The following FAT1 variants were observed in gnomAD, a reference collection of about 807,000 sequenced individuals.
FAT1 encodes protocadherin Fat 1.
FAT1 carries 171 observed loss-of-function variants against 329.8 expected under a neutral mutation model. The ratio of observed to expected loss-of-function variants is 0.52; its 90% CI spans 0.46 to 0.59. The LOEUF (loss-of-function observed/expected upper bound fraction) is 0.59. Among genes scored for constraint, FAT1 ranks in the 20% least tolerant of loss-of-function variants. FAT1 has a pLI of 0.00. For synonymous variants in FAT1, 2,233 were observed against 2,228.6 expected (o/e 1.00, Z -0.06); for missense variants, 5,672 against 5,774.4 (o/e 0.98, Z 0.57).
rs1161879090 is a variant in FAT1, at chr4:186,636,797, G to C, written c.3760C>G (p.Leu1254Val). The C allele has an allele frequency of 6.2e-7, 1 of 1,613,974 alleles. No homozygotes were observed. Among genetic ancestry groups the C allele is most frequent in the South Asian group, 1.1e-5 (1 of 91,076 alleles). The change falls in exon 5 of 27, where the codon CTC becomes GTC. Residue 1254 changes from leucine (L) to valine (V), a missense_variant. Physicochemically the swap from Leu to Val is conservative, Grantham distance 32 (BLOSUM62 1). This residue lies in a region of FAT1 where 3,966 missense variants were observed against 3,915.2 expected (regional missense o/e 1.01). Coordinates refer to ENST00000441802, the MANE Select transcript of FAT1 (RefSeq NM_005245.4). Reference protein sequence around the residue: ...QFLQKFYKIRLPEREKPDRER... With the variant: ...QFLQKFYKIRVPEREKPDRER... The stretch of plus-strand genomic sequence containing the variant: ...CGGTCTGGCTTTTCCCGCTCAGGGA[G>C]TCTGATTTTGTAGAACTTTTGCAGA...
At chr4:186,651,180 G>A (rs982352825) in intron 3 of FAT1, among the ~76,000 whole-genome samples, 1 of 149,912 alleles carries the variant, frequency 6.7e-6, no homozygotes, top group African/African-American at 2.4e-5. Context: ...AATTAATAAA[G>A]CACCATGAGC....
chr4:186,633,413 C>A (rs569278789), intron 7 of FAT1, among the ~76,000 whole-genome samples: 2 of 152,074 alleles, frequency 1.3e-5, no homozygotes, highest in Non-Finnish European at 2.9e-5. Flanking sequence ...GTGTAAAATT[C>A]GAAGATTTTG....
At chr4:186,721,419 C>T (rs186146459) in intron 1 of FAT1, among the ~76,000 whole-genome samples, 6 of 152,316 alleles carry the variant, frequency 3.9e-5, no homozygotes, top group African/African-American at 1.4e-4. Context: ...TAAGCACTTG[C>T]AAACTGAACA....
chr4:186,692,005 G>T (rs1743788269), intron 2 of FAT1, among the ~76,000 whole-genome samples: 1 of 151,764 alleles, frequency 6.6e-6, no homozygotes, highest in African/African-American at 2.4e-5. Flanking sequence ...ATGGCAGCTG[G>T]GACTTACTAC....
intron 26 of FAT1, among the ~76,000 whole-genome samples, 174 bp downstream of exon 26, chr4:186,595,515 G>A (rs1465722607): frequency 1.3e-5 from 2 of 152,142 alleles, no homozygotes; most frequent in Admixed American, 6.5e-5. Flanking sequence ...GAACAGTTTG[G>A]CTATTTTCCC....
In FAT1 at chr4:186,658,471, A is replaced by T. The variant is rs546988910; in HGVS notation, c.3580+4828T>A. Among the ~76,000 whole-genome samples, 23 of 150,784 alleles carry T rather than the reference A, an allele frequency of 1.5e-4. No homozygotes were observed. The South Asian group carries it at 4.8e-3, about 31-fold the overall frequency. On this transcript the variant is annotated intron_variant, in intron 3 of 26. Transcript: ENST00000441802. ...ATGACAAAAGGGGAAGGAGAAAAAG[A>T]TATTGAGGAGATGTCTCCCTCTTTT...
intron 16 of FAT1, among the ~76,000 whole-genome samples, chr4:186,608,316 T>G (rs886666602): frequency 3.9e-5 from 6 of 152,346 alleles, no homozygotes; most frequent in East Asian, 1.9e-4. Flanking sequence ...ATCTCTAGAT[T>G]ATAGTACCTA....
chr4:186,678,728 G>A (rs942092678), intron 2 of FAT1, among the ~76,000 whole-genome samples: 8 of 151,768 alleles, frequency 5.3e-5, no homozygotes, highest in African/African-American at 9.7e-5. Context: ...AAACAGGAAC[G>A]CTTTTACACT....
At chr4:186,678,575 A>C (rs1743056098) in intron 2 of FAT1, among the ~76,000 whole-genome samples, 1 of 148,776 alleles carries the variant, frequency 6.7e-6, no homozygotes, top group Admixed American at 6.7e-5. Flanking sequence ...TATTGTCATT[A>C]ATATCAATTA....
intron 3 of FAT1, among the ~76,000 whole-genome samples, chr4:186,651,377 A>G (rs1026135071): frequency 2.0e-5 from 3 of 152,118 alleles, no homozygotes; most frequent in African/African-American, 7.2e-5. Flanking sequence ...AGAGCTGTAC[A>G]ATGGGTGGAC....
chr4:186,708,037 A>T lies in FAT1; in HGVS notation c.1791T>A (p.Asp597Glu), dbSNP rs1744727757. 1 of 1,614,018 alleles carries T rather than the reference A, an allele frequency of 6.2e-7. No individual in the cohort carries two copies. Among genetic ancestry groups the T allele is most frequent in the Non-Finnish European group, 8.5e-7 (1 of 1,179,904 alleles). The change falls in exon 2 of 27, where the codon GAT (aspartate) becomes GAA (glutamate). Residue 597 changes from aspartate to glutamate, a missense_variant. Asp to Glu is a conservative substitution (Grantham distance 45). Coordinates refer to ENST00000441802, the MANE Select transcript of FAT1 (RefSeq NM_005245.4). ...QITTVSAIDA[D>E]ELQLVQYQIE... is the part of the protein sequence containing the mutation. ...TCTGATACTGTACCAACTGAAGTTC[A>T]TCTGCATCAATAGCAGAAACAGTGG...
At position 186,603,739 on chromosome 4, in the gene FAT1, CCT is replaced by C; in HGVS notation, c.10785_10786del (p.Gly3597GlnfsTer61). On this transcript the variant is annotated frameshift_variant, in exon 19 of 27. Transcript: ENST00000441802. LOFTEE classifies it high-confidence loss of function. ...CTTTTTGTGTGCTATCAGCTTGCCC[CCT>C]GTGCTGGAAACAGAGAACAGGTTGT... 6.2e-7 allele frequency: 1 copy of C among 1,613,938 alleles called. No individual in the cohort carries two copies. The highest frequency in any genetic ancestry group is 8.5e-7 in the Non-Finnish European group (1 of 1,179,884).
chr4:186,597,983 A>G lies in FAT1; in HGVS notation c.12246T>C (p.Tyr4082=). 6.2e-7 allele frequency: 1 copy of G among 1,611,278 alleles called. No individual in the cohort carries two copies. The highest frequency in any genetic ancestry group is 2.2e-5 in the East Asian group (1 of 44,874). The part of the protein sequence containing the change: ...GGFVCQCRGL[Y]TGQRCQLSPY... ...AAAAATACACATACCTCTGACCAGT[A>G]TATAATCCTCTACACTGGCAAACAA... Residue 4082 remains tyrosine (Y), a synonymous_variant, in exon 23 of 27, where the codon TAT becomes TAC. Coordinates refer to ENST00000441802, the MANE Select transcript of FAT1 (RefSeq NM_005245.4).
In FAT1 at chr4:186,694,077, T is replaced by C. The variant is rs562237685; in HGVS notation, c.3265+12486A>G. ...TCACAAGCTCGACCTGCCTCTCATC[T>C]AACCCATCCACCATCTTCCTATTTC... On this transcript the variant is annotated intron_variant, in intron 2 of 26. Coordinates refer to ENST00000441802, the MANE Select transcript of FAT1 (RefSeq NM_005245.4). 2.0e-5 allele frequency among the ~76,000 whole-genome samples: 3 copies of C among 152,234 alleles called. No homozygotes were observed. The South Asian group carries it at 6.2e-4, about 32-fold the overall frequency.
At chr4:186,716,007 G>C (rs1436179097) in intron 1 of FAT1, among the ~76,000 whole-genome samples, 2 of 152,062 alleles carry the variant, frequency 1.3e-5, no homozygotes, top group Non-Finnish European at 2.9e-5. Context: ...CACAGCCCCT[G>C]TGCTGAAAAC....
At chr4:186,683,548 CG>C (rs1471234238) in intron 2 of FAT1, among the ~76,000 whole-genome samples, 1 of 152,112 alleles carries the variant, frequency 6.6e-6, no homozygotes, top group Non-Finnish European at 1.5e-5. Flanking sequence ...TGAAATTTTC[CG>C]AAAGTTTTGC....
chr4:186,637,191 C>A lies in FAT1; in HGVS notation c.3643-277G>T, dbSNP rs1379495356. On this transcript the variant is annotated intron_variant, in intron 4 of 26. Coordinates refer to ENST00000441802, the MANE Select transcript of FAT1 (RefSeq NM_005245.4). The stretch of plus-strand genomic sequence containing the variant: ...CCTGACCACGCAGGCTCTCTTCTCG[C>A]ATTAGTTTAAGTGGAAAGTGAACCT... Among the ~76,000 whole-genome samples the A allele has an allele frequency of 2.0e-5, 3 of 152,124 alleles. No individual in the cohort carries two copies. In the South Asian group the frequency reaches 6.2e-4, roughly 32 times the overall value.
At chr4:186,696,436 AAAG>A (rs1294363555) in intron 2 of FAT1, among the ~76,000 whole-genome samples, 1 of 152,176 alleles carries the variant, frequency 6.6e-6, no homozygotes, top group Non-Finnish European at 1.5e-5. Context: ...CAACAAATCG[AAAG>A]AAGAGGATCA....
At position 186,603,523 on chromosome 4, in the gene FAT1, C is replaced by A. The variant is rs201075554; in HGVS notation, c.11003G>T (p.Arg3668Leu). 5.1e-5 allele frequency: 82 copies of A among 1,613,768 alleles called. No individual in the cohort carries two copies. The highest frequency in any genetic ancestry group is 6.7e-5 in the Non-Finnish European group (79 of 1,179,874). ...GTTCCTCCTCACACCCAGGATGTTCCGTAAAGCTCGCTGGAAGTTGCGCCA... is the reference window on the plus strand; with the variant it reads ...GTTCCTCCTCACACCCAGGATGTTCAGTAAAGCTCGCTGGAAGTTGCGCCA... ...DYWRNFQRAL[R>L]NILGVRRNDI... Residue 3668 changes from arginine (R) to leucine (L), a missense_variant, in exon 19 of 27, where the codon CGG (arginine) becomes CTG (leucine). By Grantham distance (102) the Arg-to-Leu change is moderately radical. Around this residue, in one of 2 missense-constraint regions of FAT1, gnomAD observed 1,706 missense variants for 1,859.1 expected, o/e 0.92. Coordinates refer to ENST00000441802, the MANE Select transcript of FAT1 (RefSeq NM_005245.4).
Sources: allele counts gnomAD v4.1 joint callset (sites outside exome capture counted in the v4.1 genomes callset), GRCh38; gene constraint gnomAD v4.1.1; regional missense constraint gnomAD v4.1.1; transcripts MANE v1.5; gene names NCBI Gene and HGNC (gene_info 2026-07-23, HGNC 2026-07-21).